Variants in XYLT2 observed in about 807,000 individuals in gnomAD.
XYLT2 encodes xylosyltransferase 2.
In XYLT2, 37 loss-of-function variants were observed where a neutral mutation model predicts 82.6. The observed-to-expected ratio is 0.45, with a 90% CI of 0.34 to 0.59. The LOEUF (loss-of-function observed/expected upper bound fraction) is 0.59. Ranked by LOEUF, XYLT2 falls within the 20% of genes least tolerant of loss-of-function variation. XYLT2 has a pLI of 0.01. For missense variants in XYLT2, 934 were observed against 1,181.3 expected (o/e 0.79, Z 3.07); for synonymous variants, 474 against 499.0 (o/e 0.95, Z 0.67).
At position 50,352,751 on chromosome 17, in the gene XYLT2, T is replaced by C. The variant is rs375532713; in HGVS notation, c.136-879T>C. 2.0e-5 allele frequency among the ~76,000 whole-genome samples: 3 copies of C among 152,204 alleles called. No homozygotes were observed. In the East Asian group the frequency reaches 5.8e-4, roughly 29 times the overall value. ...GCAGGGATCCCTTCAAGGAAGAACC[T>C]GCTGCACATGCAGCGAGGTGACAGC... On this transcript the variant is annotated intron_variant, in intron 1 of 10. Coordinates refer to ENST00000017003, the MANE Select transcript of XYLT2 (RefSeq NM_022167.4).
In XYLT2 at chr17:50,355,062, G is replaced by A. The variant is rs777998528; in HGVS notation, c.1007+6G>A. 25 of 1,526,468 alleles carry A rather than the reference G, an allele frequency of 1.6e-5. No homozygotes were observed. Among genetic ancestry groups the A allele is most frequent in the Middle Eastern group, 1.8e-4 (1 of 5,634 alleles). 94.6% of individuals were successfully genotyped at this position (1,526,468 alleles called of 1,614,324 possible). On this transcript the variant is annotated splice_donor_region_variant and intron_variant, in intron 4 of 10. Coordinates refer to ENST00000017003, the MANE Select transcript of XYLT2 (RefSeq NM_022167.4). ...GCCACTGACTATCCAACCAGGTGTGGGGATGGGGCTCTGAGTCCTCTGCAT... is the reference window on the plus strand; with the variant it reads ...GCCACTGACTATCCAACCAGGTGTGAGGATGGGGCTCTGAGTCCTCTGCAT...
chr17:50,346,601 G>A lies in XYLT2; in HGVS notation c.135+326G>A. 8 of 985,016 alleles carry A rather than the reference G, an allele frequency of 8.1e-6. No individual in the cohort carries two copies. The highest frequency in any genetic ancestry group is 8.4e-6 in the Non-Finnish European group (7 of 829,540). The allele number at this position is 985,016 out of a possible 1,614,324, so 61.0% of individuals were successfully genotyped here. A position where few individuals can be genotyped will look rare whatever the true frequency, so the allele number is the denominator to read the frequency against. The stretch of plus-strand genomic sequence containing the variant: ...CGCGGCGAGCGGGGCTGGGAGGCGG[G>A]GCTGGGCCCGAACCTGCTCGGAGGT... On this transcript the variant is annotated intron_variant, in intron 1 of 10. Coordinates refer to ENST00000017003, the MANE Select transcript of XYLT2 (RefSeq NM_022167.4). The surrounding 1 kb of genome is among the most constrained non-coding windows in gnomAD (Gnocchi z 5.1).
At chr17:50,352,876 C>T (rs987798100) in intron 1 of XYLT2, among the ~76,000 whole-genome samples, 2 of 152,138 alleles carry the variant, frequency 1.3e-5, no homozygotes, top group African/African-American at 2.4e-5. Flanking sequence ...GTACATGTGC[C>T]GGAGTTTTCC....
At position 50,360,570 on chromosome 17, in the gene XYLT2, T is replaced by TA; in HGVS notation, c.*279_*280insA. 3 of 1,068,656 alleles carry TA rather than the reference T, an allele frequency of 2.8e-6. No homozygotes were observed. The highest frequency in any genetic ancestry group is 4.5e-5 in the East Asian group (1 of 22,398). The allele number at this position is 1,068,656 out of a possible 1,614,324, so 66.2% of individuals were successfully genotyped here. A position where few individuals can be genotyped will look rare whatever the true frequency, so the allele number is the denominator to read the frequency against. On this transcript the variant is annotated 3_prime_UTR_variant, in exon 11 of 11. Coordinates refer to ENST00000017003, the MANE Select transcript of XYLT2 (RefSeq NM_022167.4). ...CTGTCTAGTTTGAATTTCTTTTTTT[T>TA]CTTTTTTTTTTTTTTTTTTTAATTT...
rs1912026855 is a variant in XYLT2, at chr17:50,346,203, G to A, written c.63G>A (p.Ala21=). 1 of 1,293,850 alleles carries A rather than the reference G, an allele frequency of 7.7e-7. No individual in the cohort carries two copies. The highest frequency in any genetic ancestry group is 2.8e-5 in the Admixed American group (1 of 35,350). 80.1% of individuals were successfully genotyped at this position (1,293,850 alleles called of 1,614,324 possible). Residue 21 remains alanine (A), a synonymous_variant, in exon 1 of 11, where the codon GCG becomes GCA. Transcript: ENST00000017003. This position sits in a 1 kb window ranked among gnomAD's most constrained non-coding sequence, Gnocchi z 5.1. The part of the protein sequence containing the change: ...VRRYKLAIAT[A]LAILLLQGLV... ...GCTACAAGCTGGCGATTGCCACGGCGCTGGCCATCCTGCTGCTGCAGGGCC... is the reference window on the plus strand; with the variant it reads ...GCTACAAGCTGGCGATTGCCACGGCACTGGCCATCCTGCTGCTGCAGGGCC...
chr17:50,356,602 G>C lies in XYLT2; in HGVS notation c.1574G>C (p.Ser525Thr). The change falls in exon 8 of 11, where the codon AGC becomes ACC. Residue 525 changes from serine to threonine, a missense_variant. Physicochemically the swap from Ser to Thr is moderately conservative, Grantham distance 58. Transcript: ENST00000017003. The stretch of plus-strand genomic sequence containing the variant: ...ATCCTGGACTTCCACCTGTATGGCA[G>C]CTACCCCCCCGGCACGCCAGCCCTC... ...LEILDFHLYG[S>T]YPPGTPALKA... 1.2e-6 allele frequency: 2 copies of C among 1,614,100 alleles called. No homozygotes were observed. Among genetic ancestry groups the C allele is most frequent in the Non-Finnish European group, 1.7e-6 (2 of 1,180,000 alleles).
Position 50,355,320 on chromosome 17 carries a change from G to A in XYLT2, c.1008-181G>A, listed in dbSNP as rs2526538. ...GTTCTGGGTCAGACAGCAAGGGGCA[G>A]AGGAAGGATGGGGTGGTCTTCCTCA... On this transcript the variant is annotated intron_variant, in intron 4 of 10. Coordinates refer to ENST00000017003, the MANE Select transcript of XYLT2 (RefSeq NM_022167.4). 0.49 allele frequency among the ~76,000 whole-genome samples: 74,558 copies of A among 151,958 alleles called. 19,535 individuals are homozygous for A. Among genetic ancestry groups the A allele is most frequent in the East Asian group, 0.88 (4,565 of 5,178 alleles).
chr17:50,348,274 G>T (rs2143184858), intron 1 of XYLT2, among the ~76,000 whole-genome samples: 1 of 152,320 alleles, frequency 6.6e-6, no homozygotes, highest in East Asian at 1.9e-4. Context: ...TTACAAAGGG[G>T]TTGGCTTAGA....
In XYLT2 at chr17:50,357,141, G is replaced by A. The variant is rs200700465; in HGVS notation, c.1830G>A (p.Val610=). 1.1e-4 allele frequency: 170 copies of A among 1,613,586 alleles called. No individual in the cohort carries two copies. Among genetic ancestry groups the A allele is most frequent in the Non-Finnish European group, 1.3e-4 (154 of 1,179,962 alleles). ...AGGGCTACCTGGTGACGCAGGCGGT[G>A]CAGCCCTCAGCCCAGGGGCCGGCAG... is the stretch of plus-strand genomic sequence containing the variant. ...HFQGYLVTQA[V]QPSAQGPAET... is the part of the protein sequence containing the mutation. Residue 610 remains valine (V), a synonymous_variant, in exon 9 of 11, where the codon GTG becomes GTA. Coordinates refer to ENST00000017003, the MANE Select transcript of XYLT2 (RefSeq NM_022167.4).
Position 50,358,304 on chromosome 17 carries a change from G to A in XYLT2, c.2039G>A (p.Arg680Gln), listed in dbSNP as rs139687876. 22 of 1,613,736 alleles carry A rather than the reference G, an allele frequency of 1.4e-5. No individual in the cohort carries two copies. Among genetic ancestry groups the A allele is most frequent in the South Asian group, 5.5e-5 (5 of 91,086 alleles). ...CCTGTGGCCGTGCAGCGCTGGGCCCGGGGCCCCAACCTCACAGCCACAGTG... is the reference window on the plus strand; with the variant it reads ...CCTGTGGCCGTGCAGCGCTGGGCCCAGGGCCCCAACCTCACAGCCACAGTG... ...DEPVAVQRWA[R>Q]GPNLTATVVW... Residue 680 changes from arginine (R) to glutamine (Q), a missense_variant, in exon 10 of 11, where the codon CGG (arginine) becomes CAG (glutamine). Transcript: ENST00000017003.
At chr17:50,352,219 C>G (rs1238487568) in intron 1 of XYLT2, among the ~76,000 whole-genome samples, 1 of 152,202 alleles carries the variant, frequency 6.6e-6, no homozygotes, top group Non-Finnish European at 1.5e-5. Flanking sequence ...TCAGTTGTTA[C>G]TCCTTACAGC....
In XYLT2 at chr17:50,346,551, G is replaced by A; in HGVS notation, c.135+276G>A. 1.0e-6 allele frequency: 1 copy of A among 959,650 alleles called. No homozygotes were observed. Among genetic ancestry groups the A allele is most frequent in the South Asian group, 4.8e-5 (1 of 20,732 alleles). 59.4% of individuals were successfully genotyped at this position (959,650 alleles called of 1,614,324 possible). On this transcript the variant is annotated intron_variant, in intron 1 of 10. Coordinates refer to ENST00000017003, the MANE Select transcript of XYLT2 (RefSeq NM_022167.4). This position sits in a 1 kb window ranked among gnomAD's most constrained non-coding sequence, Gnocchi z 5.1. ...AGCAGGTCATGCTAGGGTGGTCTCCGGCCAAGGGAGCGATGAAGGTCAGGC... is the reference window on the plus strand; with the variant it reads ...AGCAGGTCATGCTAGGGTGGTCTCCAGCCAAGGGAGCGATGAAGGTCAGGC...
At chr17:50,354,699 T>C (rs1176373688) in intron 3 of XYLT2, 116 bp downstream of exon 3, 2 of 1,518,050 alleles carry the variant, frequency 1.3e-6, no homozygotes. Context: ...ACTGAGGCCC[T>C]GAACAGGGGA....
At chr17:50,354,311 C>T in intron 2 of XYLT2, 97 bp from the exon 3 acceptor site, 3 of 1,506,412 alleles carry the variant, frequency 2.0e-6, no homozygotes, top group Non-Finnish European at 2.7e-6. Flanking sequence ...AGCTCCAAGT[C>T]TAGGTTTCTT....
At chr17:50,356,906 A>G (rs1567807782) in intron 8 of XYLT2, 133 bp downstream of exon 8, 1 of 1,476,872 alleles carries the variant, frequency 6.8e-7, no homozygotes, top group Non-Finnish European at 9.0e-7. Flanking sequence ...TACCGAAAAG[A>G]CGGCTAGAGC....
At position 50,354,195 on chromosome 17, in the gene XYLT2, A is replaced by AT. The variant is rs1912408448; in HGVS notation, c.628+74dup. The AT allele has an allele frequency of 1.8e-5, 29 of 1,587,554 alleles. No homozygotes were observed. The East Asian group carries it at 6.5e-4, about 36-fold the overall frequency. On this transcript the variant is annotated intron_variant, in intron 2 of 10. Coordinates refer to ENST00000017003, the MANE Select transcript of XYLT2 (RefSeq NM_022167.4). ...TGGCATGGCCCGGATCCTCACCCCT[A>AT]TCTCTCTGAGGAAGAAAGAGCCAAG...
At chr17:50,356,025 A>G in intron 6 of XYLT2, 28 bp downstream of exon 6, 1 of 1,614,178 alleles carries the variant, frequency 6.2e-7, no homozygotes, top group Non-Finnish European at 8.5e-7. Context: ...CATGAAGGCC[A>G]GGGAGGGCGT....
At chr17:50,352,688 A>G (rs1301860551) in intron 1 of XYLT2, among the ~76,000 whole-genome samples, 2 of 152,228 alleles carry the variant, frequency 1.3e-5, no homozygotes, top group African/African-American at 4.8e-5. Context: ...ACTTAGAGCC[A>G]GGAAGCAGGG....
chr17:50,356,795 C>T (rs1002097151), intron 8 of XYLT2, 22 bp downstream of exon 8: 2 of 1,591,030 alleles, frequency 1.3e-6, no homozygotes, highest in South Asian at 1.1e-5. Flanking sequence ...TTCTGACATA[C>T]AGCAGGCCCT....
Sources: gnomAD v4.1 joint callset for allele counts (sites outside exome capture counted in the v4.1 genomes callset) on GRCh38, gnomAD v4.1.1 for gene constraint, Gnocchi (gnomAD v3.1) non-coding constraint, MANE v1.5 for transcripts, NCBI Gene and HGNC (gene_info 2026-07-23, HGNC 2026-07-21) for gene names.